ZFPM1: variants seen among roughly 807,000 people sequenced by gnomAD.
ZFPM1 encodes zinc finger protein, FOG family member 1.
ZFPM1 carries 28 observed loss-of-function variants against 46.3 expected under a neutral mutation model. That is an observed-to-expected ratio of 0.60 (90% CI 0.45 to 0.83). The LOEUF (loss-of-function observed/expected upper bound fraction) is 0.83. Among genes scored for constraint, ZFPM1 ranks in the 40% least tolerant of loss-of-function variants. The pLI is 0.00. For synonymous variants in ZFPM1, 957 were observed against 675.9 expected (o/e 1.42, Z -6.45); for missense variants, 1,878 against 1,432.4 (o/e 1.31, Z -5.02).
rs193069508 is a variant in ZFPM1, at chr16:88,491,182, G to T, written c.268+2029G>T. Among the ~76,000 whole-genome samples the T allele has an allele frequency of 1.6e-3, 247 of 152,324 alleles. 1 individual carries two copies. Among genetic ancestry groups the T allele is most frequent in the African/African-American group, 5.7e-3 (239 of 41,572 alleles). On this transcript the variant is annotated intron_variant, in intron 3 of 9. Transcript: ENST00000319555. ...ACAGGGAGGCCTTTTCACTTGCAGG[G>T]CAGCACTGTGGGGTCGGGAGGGGCC...
rs991614937 is a variant in ZFPM1 at position 88,480,868 on chromosome 16, G to A, written c.41-5071G>A. ...GGCTCCAGCTTTCCGCAAGACAGTC[G>A]TTCAAAGGAGCCCCCCAGCGCCTCG... On this transcript the variant is annotated intron_variant, in intron 1 of 9. Coordinates refer to ENST00000319555, the MANE Select transcript of ZFPM1 (RefSeq NM_153813.3). The surrounding 1 kb of genome is among the most constrained non-coding windows in gnomAD (Gnocchi z 4.9). 4.6e-5 allele frequency among the ~76,000 whole-genome samples: 7 copies of A among 152,238 alleles called. No individual in the cohort carries two copies. The highest frequency in any genetic ancestry group is 3.9e-4 in the East Asian group (2 of 5,192).
At chr16:88,520,135 G>A (rs1911716534) in intron 4 of ZFPM1, among the ~76,000 whole-genome samples, 2 of 151,002 alleles carry the variant, frequency 1.3e-5, no homozygotes, top group Non-Finnish European at 3.0e-5. Flanking sequence ...CTGAGAAGGT[G>A]GATGGATGGA....
intron 3 of ZFPM1, among the ~76,000 whole-genome samples, chr16:88,503,000 G>A (rs1910455225): frequency 6.6e-6 from 1 of 152,264 alleles, no homozygotes; most frequent in African/African-American, 2.4e-5. Context: ...CCTCAGGGCT[G>A]GAAGGCTGTG....
chr16:88,469,458 C>T lies in ZFPM1; in HGVS notation c.40+15780C>T, dbSNP rs1285455917. 6.6e-6 allele frequency among the ~76,000 whole-genome samples: 1 copy of T among 152,202 alleles called. No individual in the cohort carries two copies. The highest frequency in any genetic ancestry group is 1.5e-5 in the Non-Finnish European group (1 of 68,028). The stretch of plus-strand genomic sequence containing the variant: ...TGAGGTGGCAGGTTCTCTGGGGGTC[C>T]TCCTGTCTGTGGCTGTGGCATAGCC... On this transcript the variant is annotated intron_variant, in intron 1 of 9. Transcript: ENST00000319555. This position sits in a 1 kb window ranked among gnomAD's most constrained non-coding sequence, Gnocchi z 4.3.
intron 1 of ZFPM1, among the ~76,000 whole-genome samples, chr16:88,474,699 C>T (rs945352205): frequency 2.0e-5 from 3 of 152,214 alleles, no homozygotes; most frequent in East Asian, 1.9e-4. Flanking sequence ...CACGCCAGCC[C>T]GCTCTTCTCC....
intron 1 of ZFPM1, among the ~76,000 whole-genome samples, chr16:88,465,015 A>T (rs1433931149): frequency 8.2e-6 from 1 of 122,202 alleles, no homozygotes; most frequent in Non-Finnish European, 1.6e-5. Context: ...TAGATAAATT[A>T]TGTTTTTGAA....
At chr16:88,506,769 G>C (rs1055056718) in intron 3 of ZFPM1, among the ~76,000 whole-genome samples, 11 of 152,302 alleles carry the variant, frequency 7.2e-5, no homozygotes, top group Admixed American at 4.6e-4. Flanking sequence ...GCGCTGGGGG[G>C]ACCCAGGAGG....
chr16:88,464,573 C>T (rs1597229152), intron 1 of ZFPM1, among the ~76,000 whole-genome samples: 2 of 152,252 alleles, frequency 1.3e-5, no homozygotes, highest in Admixed American at 1.3e-4. Context: ...CCACCAAAAC[C>T]AAACATTTTC....
At chr16:88,487,703 C>T (rs899307017) in intron 2 of ZFPM1, among the ~76,000 whole-genome samples, 5 of 152,118 alleles carry the variant, frequency 3.3e-5, no homozygotes, top group Non-Finnish European at 5.9e-5. Flanking sequence ...GCCCCAAGAG[C>T]CCAGCAGGCC....
chr16:88,495,191 T>G (rs766730676), intron 3 of ZFPM1, among the ~76,000 whole-genome samples: 3 of 152,220 alleles, frequency 2.0e-5, no homozygotes, highest in Non-Finnish European at 4.4e-5. Context: ...TTCGACTCCC[T>G]GGGGTCCTGG....
At chr16:88,488,616 G>A (rs1001622929) in intron 2 of ZFPM1, among the ~76,000 whole-genome samples, 1 of 152,168 alleles carries the variant, frequency 6.6e-6, no homozygotes, top group East Asian at 1.9e-4. Context: ...GATCGGGGCC[G>A]AGGTGGTTAT....
chr16:88,481,906 C>T (rs1237859817), intron 1 of ZFPM1, among the ~76,000 whole-genome samples: 1 of 152,244 alleles, frequency 6.6e-6, no homozygotes, highest in African/African-American at 2.4e-5. Context: ...AGTTCATGTT[C>T]ACTGAGCACC....
Sources: allele counts gnomAD v4.1 joint callset (sites outside exome capture counted in the v4.1 genomes callset), GRCh38; gene constraint gnomAD v4.1.1; non-coding constraint Gnocchi (gnomAD v3.1); transcripts MANE v1.5; gene names NCBI Gene and HGNC (gene_info 2026-07-23, HGNC 2026-07-21).